SIRT6: variants seen among roughly 807,000 people sequenced by gnomAD.
SIRT6 encodes the protein sirtuin 6.
Under a neutral mutation model 33.6 loss-of-function variants are expected in SIRT6, and 21 were observed. The observed-to-expected ratio is 0.62, with a 90% CI of 0.44 to 0.90. The LOEUF is 0.90. Among genes scored for constraint, SIRT6 ranks in the 40% least tolerant of loss-of-function variants. SIRT6 has a pLI of 0.00. For synonymous variants in SIRT6, 221 were observed against 223.9 expected (o/e 0.99, Z 0.12); for missense variants, 504 against 510.6 (o/e 0.99, Z 0.12).
In SIRT6 at chr19:4,174,856, C is replaced by A. The variant is rs1364120015; in HGVS notation, c.829G>T (p.Asp277Tyr). ...KHLGLEIPAW[D>Y]GPRVLERALP... ...GCCCTCTCCAGCACACGGGGGCCGTCCCAGGCGGGGATCTCCAGCCCCAGG... is the reference window on the plus strand; with the variant it reads ...GCCCTCTCCAGCACACGGGGGCCGTACCAGGCGGGGATCTCCAGCCCCAGG... Residue 277 changes from aspartate (D) to tyrosine (Y), a missense_variant, in exon 8 of 8, where the codon GAC (aspartate) becomes TAC (tyrosine). Transcript: ENST00000337491. The surrounding 1 kb of genome is among the most constrained non-coding windows in gnomAD (Gnocchi z 4.2). 6.3e-7 allele frequency: 1 copy of A among 1,599,474 alleles called. No individual in the cohort carries two copies. The highest frequency in any genetic ancestry group is 1.7e-5 in the Admixed American group (1 of 59,940).
chr19:4,178,515 T>C (rs1182988459), intron 3 of SIRT6, among the ~76,000 whole-genome samples: 4 of 152,132 alleles, frequency 2.6e-5, no homozygotes, highest in African/African-American at 4.8e-5. Context: ...TTCACTTCAG[T>C]GTCAGACACG....
At chr19:4,182,451 T>C in intron 1 of SIRT6, 23 bp downstream of exon 1, 1 of 1,603,200 alleles carries the variant, frequency 6.2e-7, no homozygotes, top group Non-Finnish European at 8.5e-7. Context: ...GGCGCGATGC[T>C]CGGGACCCTC....
intron 3 of SIRT6, 141 bp downstream of exon 3, chr19:4,178,963 A>G (rs1261957017): frequency 2.8e-6 from 3 of 1,084,768 alleles, no homozygotes; most frequent in Non-Finnish European, 2.6e-6. Context: ...GAGCCATGGG[A>G]CTCAGAGATC....
At chr19:4,182,018 C>T (rs1360876857) in intron 1 of SIRT6, among the ~76,000 whole-genome samples, 1 of 152,044 alleles carries the variant, frequency 6.6e-6, no homozygotes, top group African/African-American at 2.4e-5. Context: ...GCAGCCGATC[C>T]CTCCACTTCC....
rs761580497 is a variant in SIRT6, at chr19:4,177,152, AG to A, written c.378-15del. 5.6e-6 allele frequency: 9 copies of A among 1,613,556 alleles called. No individual in the cohort carries two copies. The highest frequency in any genetic ancestry group is 7.6e-6 in the Non-Finnish European group (9 of 1,179,774). On this transcript the variant is annotated splice_polypyrimidine_tract_variant and intron_variant, in intron 3 of 7. Transcript: ENST00000337491. Reference sequence around the variant, plus strand: ...GCCAGTTTGTCCCTGTGGGAAGAGCAGGAAGAGGCTTGATGGTGGGAAAGGA... The same window carrying A: ...GCCAGTTTGTCCCTGTGGGAAGAGCAGAAGAGGCTTGATGGTGGGAAAGGA...
Position 4,174,655 on chromosome 19 carries a change from G to A in SIRT6, c.1030C>T (p.Pro344Ser), listed in dbSNP as rs980428045. 4 of 1,453,778 alleles carry A rather than the reference G, an allele frequency of 2.8e-6. No homozygotes were observed. Among genetic ancestry groups the A allele is most frequent in the Non-Finnish European group, 3.6e-6 (4 of 1,100,654 alleles). The allele number at this position is 1,453,778 out of a possible 1,614,324, so 90.1% of individuals were successfully genotyped here. Reference protein sequence around the residue: ...ERPTSPAPHRPPKRVKAKAVP... With the variant: ...ERPTSPAPHRSPKRVKAKAVP... ...GCCTTGGCCTTCACCCTTTTGGGGG[G>A]TCTGTGGGGGGCAGGGCTGGTGGGC... The change falls in exon 8 of 8, where the codon CCC (proline) becomes TCC (serine). Residue 344 changes from proline to serine, a missense_variant. By Grantham distance (74) the Pro-to-Ser change is moderately conservative. Transcript: ENST00000337491. This position sits in a 1 kb window ranked among gnomAD's most constrained non-coding sequence, Gnocchi z 4.2.
rs983746811 is a variant in SIRT6 at position 4,178,678 on chromosome 19, C to T, written c.377+426G>A. Among the ~76,000 whole-genome samples the T allele has an allele frequency of 5.3e-5, 8 of 152,126 alleles. 1 individual carries two copies. The highest frequency in any genetic ancestry group is 3.3e-4 in the Admixed American group (5 of 15,264). On this transcript the variant is annotated intron_variant, in intron 3 of 7. Coordinates refer to ENST00000337491, the MANE Select transcript of SIRT6 (RefSeq NM_016539.4). ...CAGCCTGGCCAACATGGAGAAACCCCGTCTCTACTAAAAATACAAAATTAG... is the reference window on the plus strand; with the variant it reads ...CAGCCTGGCCAACATGGAGAAACCCTGTCTCTACTAAAAATACAAAATTAG...
chr19:4,181,715 C>G (rs1225041408), intron 1 of SIRT6, among the ~76,000 whole-genome samples: 2 of 152,172 alleles, frequency 1.3e-5, no homozygotes, highest in African/African-American at 4.8e-5. Flanking sequence ...TCGCTTGAAC[C>G]TAGGAGGCGG....
At chr19:4,177,173 A>C in intron 3 of SIRT6, 35 bp from the exon 4 acceptor site, 1 of 1,610,300 alleles carries the variant, frequency 6.2e-7, no homozygotes, top group Non-Finnish European at 8.5e-7. Context: ...TGATGGTGGG[A>C]AAGGATCCCT....
chr19:4,177,529 T>G (rs1236381712), intron 3 of SIRT6, among the ~76,000 whole-genome samples: 1 of 152,120 alleles, frequency 6.6e-6, no homozygotes, highest in Non-Finnish European at 1.5e-5. Context: ...TGAATGGCCC[T>G]GAAGCATGAG....
intron 4 of SIRT6, among the ~76,000 whole-genome samples, chr19:4,176,703 G>A (rs1430303609): frequency 6.6e-6 from 1 of 152,190 alleles, no homozygotes; most frequent in Non-Finnish European, 1.5e-5. Context: ...CTCCCCTACA[G>A]GTTGCAGAGG....
In SIRT6 at chr19:4,179,253, T is replaced by C. The variant is rs11554579; in HGVS notation, c.228A>G (p.Arg76=). 1.3e-3 allele frequency: 2,031 copies of C among 1,607,770 alleles called. 8 individuals carry two copies. The highest frequency in any genetic ancestry group is 1.2e-3 in the Non-Finnish European group (1,445 of 1,177,620). ...GPHGVWTMEE[R]GLAPKFDTTF... ...TGGTGTCGAACTTGGGGGCCAGACC[T>C]CGCTCCTCCATGGTCCAGACTCCGT... The change falls in exon 3 of 8, where the codon CGA becomes CGG. Residue 76 remains arginine (R), a synonymous_variant. Coordinates refer to ENST00000337491, the MANE Select transcript of SIRT6 (RefSeq NM_016539.4).
At chr19:4,175,605 T>C (rs1309545072) in intron 6 of SIRT6, 75 bp downstream of exon 6, 3 of 1,367,730 alleles carry the variant, frequency 2.2e-6, no homozygotes, top group Admixed American at 2.8e-5. Flanking sequence ...CACTGTCCCA[T>C]GCTGGAGCTG....
At chr19:4,175,270 C>T (rs1967224407) in intron 6 of SIRT6, 119 bp from the exon 7 acceptor site, 1 of 1,363,070 alleles carries the variant, frequency 7.3e-7, no homozygotes, top group Non-Finnish European at 9.8e-7. Flanking sequence ...CAAGGCCAGC[C>T]CCACTCCCGA....
At position 4,174,954 on chromosome 19, in the gene SIRT6, G is replaced by A. The variant is rs1305236592; in HGVS notation, c.739-8C>T. ...GAGGTCAGCATGGCGGTCCTGCCGAGGGGCGGGACGGGTCAGGCGTGGGGG... is the reference window on the plus strand; with the variant it reads ...GAGGTCAGCATGGCGGTCCTGCCGAAGGGCGGGACGGGTCAGGCGTGGGGG... On this transcript the variant is annotated splice_region_variant and splice_polypyrimidine_tract_variant and intron_variant, in intron 7 of 7. Coordinates refer to ENST00000337491, the MANE Select transcript of SIRT6 (RefSeq NM_016539.4). This position sits in a 1 kb window ranked among gnomAD's most constrained non-coding sequence, Gnocchi z 4.2. 2 of 1,609,444 alleles carry A rather than the reference G, an allele frequency of 1.2e-6. No individual in the cohort carries two copies. The highest frequency in any genetic ancestry group is 3.3e-5 in the Admixed American group (2 of 59,944).
At chr19:4,177,201 A>C in intron 3 of SIRT6, 63 bp from the exon 4 acceptor site, 1 of 1,547,612 alleles carries the variant, frequency 6.5e-7, no homozygotes, top group South Asian at 1.1e-5. Flanking sequence ...CAGGCTTTGG[A>C]GCTGGTGCTA....
chr19:4,176,303 A>T (rs11666448), intron 4 of SIRT6, among the ~76,000 whole-genome samples: 17 of 152,174 alleles, frequency 1.1e-4, no homozygotes, highest in Admixed American at 2.6e-4. Flanking sequence ...TTTAATCGTT[A>T]TACTGGGCCG....
intron 3 of SIRT6, among the ~76,000 whole-genome samples, chr19:4,178,881 C>G (rs1200153859): frequency 6.6e-6 from 1 of 152,188 alleles, no homozygotes; most frequent in Non-Finnish European, 1.5e-5. Context: ...AACTTCTAGA[C>G]CCTGACAGCT....
chr19:4,175,941 T>C lies in SIRT6; in HGVS notation c.438-4A>G. 6.4e-7 allele frequency: 1 copy of C among 1,561,566 alleles called. No individual in the cohort carries two copies. Among genetic ancestry groups the C allele is most frequent in the Non-Finnish European group, 8.7e-7 (1 of 1,153,000 alleles). ...GACTGTGTCTCGGACGTACTGCCTG[T>C]GTCAGGGAGGAAGGGGGAGGATGGG... On this transcript the variant is annotated splice_polypyrimidine_tract_variant and splice_region_variant and intron_variant, in intron 4 of 7. Coordinates refer to ENST00000337491, the MANE Select transcript of SIRT6 (RefSeq NM_016539.4).
Sources: allele counts gnomAD v4.1 joint callset (sites outside exome capture counted in the v4.1 genomes callset), GRCh38; gene constraint gnomAD v4.1.1; non-coding constraint Gnocchi (gnomAD v3.1); transcripts MANE v1.5; gene names NCBI Gene and HGNC (gene_info 2026-07-23, HGNC 2026-07-21).